Variants in PCDH15 observed in about 807,000 individuals in gnomAD.
PCDH15 encodes the protein protocadherin related 15, also known as protocadherin-15.
A neutral mutation model predicts 178.5 loss-of-function variants in PCDH15; 129 were observed. The ratio of observed to expected loss-of-function variants is 0.72; its 90% CI spans 0.63 to 0.84. PCDH15 has a LOEUF of 0.84. Among genes scored for constraint, PCDH15 ranks in the 40% least tolerant of loss-of-function variants. The pLI is 0.00. For synonymous variants in PCDH15, 800 were observed against 732.0 expected (o/e 1.09, Z -1.50); for missense variants, 2,230 against 2,099.9 (o/e 1.06, Z -1.21).
intron 2 of PCDH15, among the ~76,000 whole-genome samples, chr10:54,901,001 T>C (rs772346286): frequency 3.9e-5 from 6 of 152,258 alleles, no homozygotes; most frequent in Middle Eastern, 3.4e-3. Flanking sequence ...GTGATAACAA[T>C]AACCAAGTGA....
At chr10:55,437,595 T>C (rs879358137) in intron 2 of PCDH15, among the ~76,000 whole-genome samples, 1 of 152,076 alleles carries the variant, frequency 6.6e-6, no homozygotes, top group Non-Finnish European at 1.5e-5. Context: ...GCACTATTCA[T>C]TGAAGATATG....
At chr10:54,258,548 A>G (rs1482255006) in intron 8 of PCDH15, among the ~76,000 whole-genome samples, 2 of 152,192 alleles carry the variant, frequency 1.3e-5, no homozygotes, top group Non-Finnish European at 2.9e-5. Context: ...TTAAAGGCAG[A>G]GCCAGAAGTA....
intron 17 of PCDH15, among the ~76,000 whole-genome samples, chr10:54,067,757 G>A (rs578100695): frequency 6.5e-4 from 99 of 152,152 alleles, no homozygotes; most frequent in African/African-American, 2.3e-3. Context: ...TAAATATTTA[G>A]TAACTATAAA....
chr10:54,314,193 G>A (rs1033881453), intron 8 of PCDH15, among the ~76,000 whole-genome samples: 11 of 151,526 alleles, frequency 7.3e-5, no homozygotes, highest in African/African-American at 2.2e-4. Flanking sequence ...TTTGTATGGG[G>A]ATGATTGAAA....
intron 26 of PCDH15, among the ~76,000 whole-genome samples, chr10:53,888,572 G>C (rs1191531561): frequency 3.5e-5 from 2 of 56,674 alleles, no homozygotes; most frequent in African/African-American, 1.1e-4. Flanking sequence ...ATTTGATTTT[G>C]TCTGTTTTTT....
In PCDH15 at chr10:54,924,194, C is replaced by T. The variant is rs1312669757; in HGVS notation, c.-79-26694G>A. 2.9e-5 allele frequency among the ~76,000 whole-genome samples: 4 copies of T among 137,078 alleles called. 2 individuals are homozygous for T. The highest frequency in any genetic ancestry group is 6.8e-5 in the Non-Finnish European group (4 of 58,964). 89.9% of individuals were successfully genotyped at this position (137,078 alleles called of 152,430 possible). Reference sequence around the variant, plus strand: ...TACTACACACTTTCAAACAACCAGACCTCATGAGAACTTACAATCACAAGA... The same window carrying T: ...TACTACACACTTTCAAACAACCAGATCTCATGAGAACTTACAATCACAAGA... On this transcript the variant is annotated intron_variant, in intron 2 of 5. Coordinates refer to the PCDH15 transcript ENST00000458638.
At chr10:55,552,352 T>G (rs1226355226) in intron 2 of PCDH15, among the ~76,000 whole-genome samples, 2 of 151,658 alleles carry the variant, frequency 1.3e-5, no homozygotes, top group Non-Finnish European at 3.0e-5. Flanking sequence ...GAAACTCAAA[T>G]GAAAGTATAA....
intron 1 of PCDH15, among the ~76,000 whole-genome samples, chr10:54,699,196 T>C (rs559648517): frequency 6.6e-6 from 1 of 152,112 alleles, no homozygotes; most frequent in Non-Finnish European, 1.5e-5. Context: ...TATTTATCAA[T>C]GTTATTGTCA....
intron 2 of PCDH15, among the ~76,000 whole-genome samples, chr10:55,046,486 TA>T (rs1841010040): frequency 6.6e-6 from 1 of 151,942 alleles, no homozygotes. Context: ...GGGCCTGATC[TA>T]AAGGAGGGAC....
At chr10:55,529,172 T>C (rs1237013881) in intron 2 of PCDH15, among the ~76,000 whole-genome samples, 1 of 152,154 alleles carries the variant, frequency 6.6e-6, no homozygotes, top group Non-Finnish European at 1.5e-5. Flanking sequence ...TCCCATTCTG[T>C]AGGTTTCCTG....
At chr10:55,235,226 T>A (rs1841344684) in intron 1 of PCDH15, among the ~76,000 whole-genome samples, 1 of 152,098 alleles carries the variant, frequency 6.6e-6, no homozygotes, top group Non-Finnish European at 1.5e-5. Context: ...GACATGAAAG[T>A]CATTATAAAA....
chr10:55,212,340 T>G (rs1418494994), intron 1 of PCDH15, among the ~76,000 whole-genome samples: 1 of 152,020 alleles, frequency 6.6e-6, no homozygotes, highest in Admixed American at 6.5e-5. Context: ...TTCATTTTAC[T>G]GCAGATCCAG....
rs78460967 is a variant in PCDH15, at chr10:55,382,629, G to A, written c.-155-215978C>T. ...ATATCCTATAGAACTGTATGATAAC[G>A]TATATGTGTTGTTTAGGCTCTTCAT... On this transcript the variant is annotated intron_variant, in intron 2 of 5. Coordinates refer to the PCDH15 transcript ENST00000613346. Among the ~76,000 whole-genome samples, 42 of 152,284 alleles carry A rather than the reference G, an allele frequency of 2.8e-4. No individual in the cohort carries two copies. In the East Asian group the frequency reaches 3.3e-3, roughly 12 times the overall value.
intron 3 of PCDH15, among the ~76,000 whole-genome samples, chr10:54,391,127 C>A (rs1344051517): frequency 6.6e-6 from 1 of 152,194 alleles, no homozygotes; most frequent in African/African-American, 2.4e-5. Flanking sequence ...AGAATATACA[C>A]TTGGTTGTCA....
At chr10:54,794,132 T>TATAAGATATATATAAG (rs1186374408) in intron 1 of PCDH15, among the ~76,000 whole-genome samples, 1 of 146,750 alleles carries the variant, frequency 6.8e-6, no homozygotes, top group East Asian at 2.0e-4. Context: ...ATAAGATATA[T>TATAAGATATATATAAG]ATATATCTTA....
chr10:53,906,047 T>C (rs935085467), intron 25 of PCDH15, among the ~76,000 whole-genome samples: 2 of 152,088 alleles, frequency 1.3e-5, no homozygotes, highest in Non-Finnish European at 2.9e-5. Context: ...GAGAAACAGT[T>C]ATAATGCGAT....
Position 55,404,881 on chromosome 10 carries a change from G to A in PCDH15, c.-156+222744C>T, listed in dbSNP as rs149628055. Among the ~76,000 whole-genome samples the A allele has an allele frequency of 4.2e-3, 641 of 151,900 alleles. 9 individuals carry two copies. The highest frequency in any genetic ancestry group is 0.015 in the African/African-American group (614 of 41,500). The stretch of plus-strand genomic sequence containing the variant: ...TTTAATCAGCATGCTGATACAACTA[G>A]TTATCTAAGTGAACCAAATATCATC... On this transcript the variant is annotated intron_variant, in intron 2 of 5. Transcript: ENST00000613346.
chr10:55,489,664 C>T (rs1294200481), intron 2 of PCDH15, among the ~76,000 whole-genome samples: 3 of 151,572 alleles, frequency 2.0e-5, no homozygotes, highest in African/African-American at 7.3e-5. Flanking sequence ...ATTCCTAAAG[C>T]TCATATTTAA....
chr10:55,024,328 T>TA (rs397818104), intron 2 of PCDH15, among the ~76,000 whole-genome samples: 48 of 126,026 alleles, frequency 3.8e-4, no homozygotes, highest in Middle Eastern at 4.1e-3. Flanking sequence ...TATATATATA[T>TA]TCCCATATAT....
Sources: gnomAD v4.1 joint callset for allele counts (sites outside exome capture counted in the v4.1 genomes callset) on GRCh38, gnomAD v4.1.1 for gene constraint, MANE v1.5 for transcripts, NCBI Gene and HGNC (gene_info 2026-07-23, HGNC 2026-07-21) for gene names.